The following MYO16 variants were observed in gnomAD, a reference collection of about 807,000 sequenced individuals.
MYO16 encodes myosin XVI, also known as unconventional myosin-XVI.
MYO16 carries 94 observed loss-of-function variants against 205.3 expected under a neutral mutation model. The ratio of observed to expected loss-of-function variants is 0.46; its 90% confidence interval spans 0.39 to 0.54. MYO16 has a LOEUF of 0.54. Ranked by LOEUF, MYO16 falls within the 20% of genes least tolerant of loss-of-function variation. The pLI, the probability that MYO16 is intolerant of heterozygous loss-of-function variation, is 0.00. For missense variants in MYO16, 2,315 were observed against 2,387.5 expected (o/e 0.97, Z 0.63); for synonymous variants, 988 against 954.0 (o/e 1.04, Z -0.66).
At chr13:109,083,651 T>C (rs1888350044) in intron 27 of MYO16, among the ~76,000 whole-genome samples, 1 of 152,182 alleles carries the variant, frequency 6.6e-6, no homozygotes. Context: ...GTGGGAGTCA[T>C]ACTTAATGCT....
the MYO16 span, among the ~76,000 whole-genome samples, chr13:108,502,354 A>G: frequency 6.6e-6 from 1 of 152,314 alleles, no homozygotes; most frequent in Non-Finnish European, 1.5e-5. Flanking sequence ...TTTATCTACA[A>G]CTATTTAGCA....
intron 13 of MYO16, among the ~76,000 whole-genome samples, chr13:108,884,140 G>C (rs1053084347): frequency 6.6e-6 from 1 of 152,188 alleles, no homozygotes; most frequent in African/African-American, 2.4e-5. Context: ...GATAAGTACA[G>C]TAGCACACAA....
Position 109,125,102 on chromosome 13 carries a change from T to G in MYO16, c.3536-10T>G, listed in dbSNP as rs762860825. ...CCTCCATTTACTAACCCATGATCCTTCTATAAAAGTTATCAGAGGATTTTT... is the reference window on the plus strand; with the variant it reads ...CCTCCATTTACTAACCCATGATCCTGCTATAAAAGTTATCAGAGGATTTTT... On this transcript the variant is annotated splice_polypyrimidine_tract_variant and intron_variant, in intron 29 of 34. Transcript: ENST00000457511. This position sits in a 1 kb window ranked among gnomAD's most constrained non-coding sequence, Gnocchi z 4.0. 6.2e-7 allele frequency: 1 copy of G among 1,613,598 alleles called. No individual in the cohort carries two copies. Among genetic ancestry groups the G allele is most frequent in the East Asian group, 2.2e-5 (1 of 44,888 alleles).
At chr13:108,867,711 ATCT>A (rs1306606285) in intron 12 of MYO16, among the ~76,000 whole-genome samples, 1 of 152,244 alleles carries the variant, frequency 6.6e-6, no homozygotes, top group Non-Finnish European at 1.5e-5. Context: ...CAAATATTAA[ATCT>A]TCTGTTCAAC....
chr13:108,573,699 G>A, the MYO16 span, among the ~76,000 whole-genome samples: 1 of 152,168 alleles, frequency 6.6e-6, no homozygotes, highest in African/African-American at 2.4e-5. Flanking sequence ...CGGGCTCAGA[G>A]ATAGTGTAGC....
At position 108,646,472 on chromosome 13, in the gene MYO16, C is replaced by T. The variant is rs118114180; in HGVS notation, c.28+16600C>T. The stretch of plus-strand genomic sequence containing the variant: ...TATGCATTAAGGGAATTCCTCGTGT[C>T]TCTCTTCAACTCATGATTAAGCAAT... On this transcript the variant is annotated intron_variant, in intron 1 of 34. Transcript: ENST00000457511. 7.3e-4 allele frequency among the ~76,000 whole-genome samples: 111 copies of T among 152,332 alleles called. 1 individual carries two copies. In the East Asian group the frequency reaches 0.02, roughly 28 times the overall value.
chr13:108,515,951 G>A, the MYO16 span, among the ~76,000 whole-genome samples: 2 of 118,096 alleles, frequency 1.7e-5, no homozygotes, highest in African/African-American at 6.4e-5. Flanking sequence ...CCTGCCCCCA[G>A]AGGTGGAGCC....
At chr13:108,532,110 G>C in the MYO16 span, among the ~76,000 whole-genome samples, 2 of 152,100 alleles carry the variant, frequency 1.3e-5, no homozygotes, top group Non-Finnish European at 2.9e-5. Flanking sequence ...GGAGGCTGAG[G>C]CAGGAGAATC....
intron 1 of MYO16, among the ~76,000 whole-genome samples, chr13:108,636,684 T>G (rs1454029155): frequency 6.6e-6 from 1 of 152,104 alleles, no homozygotes; most frequent in Non-Finnish European, 1.5e-5. Context: ...GGCCCCAAGT[T>G]GTTTTTATTT....
At chr13:108,871,322 TTGTGTGTGTGTGTGTGTG>T (rs58117690) in intron 12 of MYO16, among the ~76,000 whole-genome samples, 4 of 131,470 alleles carry the variant, frequency 3.0e-5, no homozygotes, top group South Asian at 5.9e-4. Context: ...CTATGTGACT[TTGTGTGTGTGTGTGTGTG>T]TGTGTGTGTG....
intron 32 of MYO16, among the ~76,000 whole-genome samples, chr13:109,163,196 GGA>G (rs1878469604): frequency 1.3e-5 from 2 of 152,328 alleles, no homozygotes; most frequent in Admixed American, 1.3e-4. Flanking sequence ...GTGCTGTAAA[GGA>G]GAGGTCCCTG....
the MYO16 span, among the ~76,000 whole-genome samples, chr13:108,543,536 G>T: frequency 6.6e-6 from 1 of 151,190 alleles, no homozygotes; most frequent in East Asian, 1.9e-4. Flanking sequence ...CAGCTACTCC[G>T]GAGGCTGAGG....
the MYO16 span, among the ~76,000 whole-genome samples, chr13:108,574,460 CTT>C: frequency 6.6e-6 from 1 of 152,176 alleles, no homozygotes; most frequent in East Asian, 1.9e-4. Context: ...TTAAAATAAA[CTT>C]TATCTCTCAT....
At chr13:108,675,650 G>A (rs1207712608) in intron 2 of MYO16, among the ~76,000 whole-genome samples, 1 of 152,212 alleles carries the variant, frequency 6.6e-6, no homozygotes, top group African/African-American at 2.4e-5. Context: ...GAGGTAGGAT[G>A]ACACGAATCT....
chr13:108,628,300 C>T (rs1879824740), upstream of MYO16, among the ~76,000 whole-genome samples: 1 of 152,148 alleles, frequency 6.6e-6, no homozygotes, highest in South Asian at 2.1e-4. Flanking sequence ...TGCAAATCCT[C>T]ATTCTAATTT....
At chr13:109,151,670 A>C (rs1376596914) in intron 32 of MYO16, among the ~76,000 whole-genome samples, 2 of 152,234 alleles carry the variant, frequency 1.3e-5, no homozygotes, top group Non-Finnish European at 2.9e-5. Context: ...CAATTGGTAC[A>C]TGAGGGTGTG....
intron 2 of MYO16, among the ~76,000 whole-genome samples, chr13:108,674,010 G>A (rs557920098): frequency 2.0e-4 from 30 of 152,204 alleles, no homozygotes; most frequent in African/African-American, 3.4e-4. Flanking sequence ...AACTGTCTGC[G>A]TGTCATTCAG....
chr13:109,135,441 G>A (rs910182119), intron 31 of MYO16, among the ~76,000 whole-genome samples: 2 of 152,306 alleles, frequency 1.3e-5, no homozygotes, highest in South Asian at 4.2e-4. Flanking sequence ...GGTGACTTAT[G>A]TTTGGGGCTA....
chr13:108,773,763 T>A (rs573339410), intron 4 of MYO16, among the ~76,000 whole-genome samples: 1 of 152,176 alleles, frequency 6.6e-6, no homozygotes, highest in Non-Finnish European at 1.5e-5. Context: ...GCATTACTCT[T>A]GCAACTTTCC....
Sources: gnomAD v4.1 joint callset for allele counts (sites outside exome capture counted in the v4.1 genomes callset) on GRCh38, gnomAD v4.1.1 for gene constraint, Gnocchi (gnomAD v3.1) non-coding constraint, MANE v1.5 for transcripts, NCBI Gene and HGNC (gene_info 2026-07-23, HGNC 2026-07-21) for gene names.